Variants in MGAT5 observed in about 807,000 individuals in gnomAD.
MGAT5 encodes the protein alpha-1,6-mannosylglycoprotein 6-beta-N-acetylglucosaminyltransferase A.
A neutral mutation model predicts 94.3 loss-of-function variants in MGAT5; 30 were observed. The observed-to-expected ratio is 0.32, with a 90% confidence interval of 0.24 to 0.43. The LOEUF is 0.43. MGAT5 is among the 20% of genes least tolerant of loss of function. MGAT5 has a pLI of 1.00. For synonymous variants in MGAT5, 310 were observed against 322.9 expected (o/e 0.96, Z 0.43); for missense variants, 691 against 905.5 (o/e 0.76, Z 3.04).
chr2:134,166,461 A>G (rs1025720549), intron 1 of MGAT5, among the ~76,000 whole-genome samples: 3 of 152,226 alleles, frequency 2.0e-5, no homozygotes, highest in African/African-American at 7.2e-5. Context: ...TCTGGAGCCA[A>G]TTCCATTGTT....
intron 1 of MGAT5, among the ~76,000 whole-genome samples, chr2:134,147,243 G>A (rs552701287): frequency 8.5e-5 from 13 of 152,216 alleles, no homozygotes; most frequent in Admixed American, 1.3e-4. Context: ...AGAACCCAGT[G>A]CTGTAACGGA....
intron 10 of MGAT5, among the ~76,000 whole-genome samples, chr2:134,366,530 T>C (rs185271099): frequency 5.9e-5 from 9 of 152,284 alleles, no homozygotes; most frequent in Admixed American, 2.0e-4. Context: ...GAATCACACA[T>C]TGGGGTTCAG....
intron 1 of MGAT5, among the ~76,000 whole-genome samples, chr2:134,204,483 G>A (rs1679940492): frequency 6.6e-6 from 1 of 152,158 alleles, no homozygotes; most frequent in South Asian, 2.1e-4. Context: ...TGGCTAGCCA[G>A]AACTATGATG....
At chr2:134,257,223 G>A (rs1683022495) in intron 1 of MGAT5, among the ~76,000 whole-genome samples, 1 of 152,118 alleles carries the variant, frequency 6.6e-6, no homozygotes, top group African/African-American at 2.4e-5. Flanking sequence ...CAGATAACTG[G>A]TTTTAGTTTT....
intron 1 of MGAT5, among the ~76,000 whole-genome samples, chr2:134,142,735 G>A (rs1395654867): frequency 2.0e-5 from 3 of 152,206 alleles, no homozygotes; most frequent in East Asian, 1.9e-4. Context: ...AGGAAGAAAT[G>A]TCAGGGAAGT....
At chr2:134,298,239 A>G (rs6430502) in intron 2 of MGAT5, among the ~76,000 whole-genome samples, 123,348 of 151,976 alleles carry the variant, frequency 0.81, 50,298 homozygotes, top group East Asian at 0.94. Flanking sequence ...GAGATTACAG[A>G]CATATGCTAC....
intron 2 of MGAT5, among the ~76,000 whole-genome samples, chr2:134,278,484 T>C (rs1282580950): frequency 6.6e-6 from 1 of 152,186 alleles, no homozygotes; most frequent in African/African-American, 2.4e-5. Context: ...CCATCCTGAT[T>C]GGCTAGGCCT....
At chr2:134,309,551 C>T (rs1222244682) in intron 2 of MGAT5, among the ~76,000 whole-genome samples, 1 of 152,114 alleles carries the variant, frequency 6.6e-6, no homozygotes, top group African/African-American at 2.4e-5. Context: ...TTCCATTTCC[C>T]TGATGACTAA....
chr2:134,346,634 G>T (rs1316822982), intron 8 of MGAT5, among the ~76,000 whole-genome samples: 1 of 152,008 alleles, frequency 6.6e-6, no homozygotes, highest in Non-Finnish European at 1.5e-5. Flanking sequence ...TAAATGTATT[G>T]CTGTTATCTG....
chr2:134,358,017 C>T (rs1405312595), intron 9 of MGAT5, among the ~76,000 whole-genome samples: 4 of 151,282 alleles, frequency 2.6e-5, no homozygotes, highest in African/African-American at 7.3e-5. Context: ...TCAGCAAAAA[C>T]GGCATGAATA....
intron 2 of MGAT5, 91 bp downstream of exon 2, chr2:134,270,641 C>G (rs904125071): frequency 8.5e-5 from 109 of 1,276,702 alleles, no homozygotes; most frequent in Non-Finnish European, 1.2e-4. Flanking sequence ...CTTACTGGAA[C>G]CTGCATAATA....
intron 4 of MGAT5, among the ~76,000 whole-genome samples, chr2:134,329,903 C>G (rs566255462): frequency 1.3e-5 from 2 of 152,228 alleles, no homozygotes; most frequent in Non-Finnish European, 2.9e-5. Context: ...GAGTAGACAT[C>G]CTTTACCATC....
At position 134,274,134 on chromosome 2, in the gene MGAT5, T is replaced by C. The variant is rs114052892; in HGVS notation, c.406+3584T>C. Among the ~76,000 whole-genome samples, 846 of 152,358 alleles carry C rather than the reference T, an allele frequency of 5.6e-3. 5 individuals are homozygous for C. Among genetic ancestry groups the C allele is most frequent in the Non-Finnish European group, 6.4e-3 (434 of 68,028 alleles). ...GGTAAAAAGTATACATATCTGATCA[T>C]GAAAATGCTTGCCTTCTAAGGACTG... On this transcript the variant is annotated intron_variant, in intron 2 of 15. Coordinates refer to ENST00000281923, the MANE Select transcript of MGAT5 (RefSeq NM_002410.5).
intron 9 of MGAT5, among the ~76,000 whole-genome samples, chr2:134,353,554 T>A (rs1229077438): frequency 6.6e-6 from 1 of 152,204 alleles, no homozygotes; most frequent in Non-Finnish European, 1.5e-5. Context: ...AAAAGTAAAG[T>A]GAAAGAATTC....
At chr2:134,325,679 A>G (rs942518059) in intron 4 of MGAT5, among the ~76,000 whole-genome samples, 1 of 152,154 alleles carries the variant, frequency 6.6e-6, no homozygotes, top group African/African-American at 2.4e-5. Context: ...TTTTCAGGCC[A>G]TTGTATAAAT....
chr2:134,362,432 T>C (rs769222741), intron 10 of MGAT5, 24 bp downstream of exon 10: 9 of 1,603,660 alleles, frequency 5.6e-6, no homozygotes, highest in Non-Finnish European at 6.0e-6. Flanking sequence ...TGCGTGTCTC[T>C]CTCTCTGAAA....
In MGAT5 at chr2:134,363,853, C is replaced by T. The variant is rs771649778; in HGVS notation, c.1380+1445C>T. 2.0e-5 allele frequency among the ~76,000 whole-genome samples: 3 copies of T among 152,178 alleles called. No homozygotes were observed. The East Asian group carries it at 5.8e-4, about 29-fold the overall frequency. On this transcript the variant is annotated intron_variant, in intron 10 of 15. Transcript: ENST00000281923. ...AAAAATGTGTCCTGTGTTGATAGTGCATTTTCCAGCTGACTTTCAGCCAAA... is the reference window on the plus strand; with the variant it reads ...AAAAATGTGTCCTGTGTTGATAGTGTATTTTCCAGCTGACTTTCAGCCAAA...
rs912983981 is a variant in MGAT5, at chr2:134,189,602, G to GTTTTTTTTTTT, written c.-142-64652_-142-64642dup. Among the ~76,000 whole-genome samples, 137 of 84,582 alleles carry GTTTTTTTTTTT rather than the reference G, an allele frequency of 1.6e-3. 12 individuals carry two copies. Among genetic ancestry groups the GTTTTTTTTTTT allele is most frequent in the African/African-American group, 5.4e-3 (113 of 20,950 alleles). The allele number at this position is 84,582 out of a possible 152,430, so 55.5% of individuals were successfully genotyped here. The stretch of plus-strand genomic sequence containing the variant: ...AACCTCATGGCTCTAGTTTTTTTTT[G>GTTTTTTTTTTT]TTTTTTTTTTTTTTTTTTAAGACAG... On this transcript the variant is annotated intron_variant, in intron 1 of 16. Transcript: ENST00000409645.
At chr2:134,261,387 C>A (rs1003672693) in intron 1 of MGAT5, among the ~76,000 whole-genome samples, 7 of 152,260 alleles carry the variant, frequency 4.6e-5, no homozygotes, top group African/African-American at 1.7e-4. Context: ...TGTGGACACC[C>A]TAAAAAGCTC....
Sources: gnomAD v4.1 joint callset for allele counts (sites outside exome capture counted in the v4.1 genomes callset) on GRCh38, gnomAD v4.1.1 for gene constraint, MANE v1.5 for transcripts, NCBI Gene and HGNC (gene_info 2026-07-23, HGNC 2026-07-21) for gene names.